Variants in SLC39A11 observed in about 807,000 individuals in gnomAD.
SLC39A11 encodes zinc transporter ZIP11.
In SLC39A11, 33 loss-of-function variants were observed where a neutral mutation model predicts 36.1. That is an observed-to-expected ratio of 0.91 (90% CI 0.69 to 1.22). SLC39A11 has a LOEUF of 1.22. Ranked by LOEUF, SLC39A11 falls within the 50% of genes most tolerant of loss-of-function variation. The probability of loss-of-function intolerance (pLI) is 0.00; values close to 1 mark genes in which losing one functional copy is unlikely to be tolerated. For synonymous variants in SLC39A11, 166 were observed against 170.3 expected (o/e 0.97, Z 0.20); for missense variants, 432 against 430.3 (o/e 1.00, Z -0.03).
intron 7 of SLC39A11, among the ~76,000 whole-genome samples, chr17:72,719,702 C>T (rs1014327131): frequency 7.2e-5 from 11 of 152,306 alleles, no homozygotes; most frequent in African/African-American, 2.6e-4. Flanking sequence ...GAGAGCTTGA[C>T]GGGGCCCTCC....
intron 5 of SLC39A11, among the ~76,000 whole-genome samples, chr17:72,935,148 T>G (rs1437905113): frequency 6.6e-6 from 1 of 152,192 alleles, no homozygotes; most frequent in African/African-American, 2.4e-5. Flanking sequence ...GTAAACAAAT[T>G]GTGGTGTATC....
At chr17:72,811,678 A>G (rs1239878058) in intron 6 of SLC39A11, among the ~76,000 whole-genome samples, 1 of 152,232 alleles carries the variant, frequency 6.6e-6, no homozygotes, top group Non-Finnish European at 1.5e-5. Context: ...GAACTATATT[A>G]TCTTTCAGGT....
At chr17:72,770,390 G>C (rs2075891723) in intron 6 of SLC39A11, among the ~76,000 whole-genome samples, 2 of 152,218 alleles carry the variant, frequency 1.3e-5, no homozygotes. Context: ...GAGCCAGATA[G>C]TGCTGATGGT....
At chr17:72,742,055 T>G (rs951437797) in intron 6 of SLC39A11, among the ~76,000 whole-genome samples, 1 of 151,904 alleles carries the variant, frequency 6.6e-6, no homozygotes, top group African/African-American at 2.4e-5. Context: ...TACAAAAAAT[T>G]TGCTGGGCAT....
intron 4 of SLC39A11, among the ~76,000 whole-genome samples, chr17:72,977,175 T>C (rs1184961833): frequency 6.6e-6 from 1 of 152,168 alleles, no homozygotes; most frequent in African/African-American, 2.4e-5. Flanking sequence ...GCCTGAGCCA[T>C]GACTGGCTGA....
intron 3 of SLC39A11, among the ~76,000 whole-genome samples, chr17:73,084,243 G>A (rs1049110341): frequency 6.6e-6 from 1 of 151,978 alleles, no homozygotes; most frequent in Non-Finnish European, 1.5e-5. Context: ...TTCAAGACCA[G>A]CCTGGGCAAC....
chr17:72,810,422 T>C (rs940722836), intron 6 of SLC39A11, among the ~76,000 whole-genome samples: 11 of 152,118 alleles, frequency 7.2e-5, no homozygotes, highest in Non-Finnish European at 4.4e-5. Flanking sequence ...AAACATGTAA[T>C]CAACTATTGC....
chr17:72,821,831 G>A (rs1435031887), intron 6 of SLC39A11: 1 of 151,418 alleles, frequency 6.6e-6, no homozygotes. Flanking sequence ...CATGGGATGT[G>A]ACCACACTCT....
intron 7 of SLC39A11, among the ~76,000 whole-genome samples, chr17:72,674,669 T>G (rs551728704): frequency 6.6e-6 from 1 of 152,334 alleles, no homozygotes; most frequent in East Asian, 1.9e-4. Context: ...CAGCAAGGTA[T>G]GAGAGAGCCA....
At chr17:72,876,223 C>T (rs142262287) in intron 5 of SLC39A11, among the ~76,000 whole-genome samples, 1 of 152,130 alleles carries the variant, frequency 6.6e-6, no homozygotes, top group East Asian at 1.9e-4. Flanking sequence ...TGGGTGGAAA[C>T]AGAAATTGGA....
At chr17:73,082,121 AAAAAG>A (rs2060560716) in intron 3 of SLC39A11, among the ~76,000 whole-genome samples, 1 of 149,262 alleles carries the variant, frequency 6.7e-6, no homozygotes, top group Admixed American at 6.7e-5. Flanking sequence ...GAAACTAAAA[AAAAAG>A]AAAAAAAAAA....
intron 3 of SLC39A11, among the ~76,000 whole-genome samples, chr17:73,059,582 G>A (rs2059774135): frequency 6.6e-6 from 1 of 151,554 alleles, no homozygotes; most frequent in African/African-American, 2.4e-5. Flanking sequence ...TTGAACCTGG[G>A]AAGCTGAGGT....
chr17:72,829,657 C>T (rs979806519), intron 6 of SLC39A11, among the ~76,000 whole-genome samples: 8 of 152,126 alleles, frequency 5.3e-5, no homozygotes, highest in African/African-American at 1.9e-4. Flanking sequence ...CGGACAGATC[C>T]GGGTCCCTCC....
chr17:72,897,484 G>C (rs1300786933), intron 5 of SLC39A11, among the ~76,000 whole-genome samples: 1 of 152,220 alleles, frequency 6.6e-6, no homozygotes, highest in Non-Finnish European at 1.5e-5. Flanking sequence ...GCAGAGCCAA[G>C]TGTTTGGGGC....
At position 72,703,984 on chromosome 17, in the gene SLC39A11, C is replaced by T. The variant is rs369757362; in HGVS notation, c.671+32666G>A. On this transcript the variant is annotated intron_variant, in intron 7 of 9. Coordinates refer to ENST00000255559, the MANE Select transcript of SLC39A11 (RefSeq NM_139177.4). ...CTCTACTAAAAATACAAAAATTAGCCGGGCATGGTGGCATGCGCCTGTAGT... is the reference window on the plus strand; with the variant it reads ...CTCTACTAAAAATACAAAAATTAGCTGGGCATGGTGGCATGCGCCTGTAGT... 3.1e-4 allele frequency among the ~76,000 whole-genome samples: 47 copies of T among 152,246 alleles called. No homozygotes were observed. In the South Asian group the frequency reaches 8.5e-3, roughly 28 times the overall value.
chr17:73,004,163 A>AG (rs1555673958), intron 4 of SLC39A11, among the ~76,000 whole-genome samples: 2 of 100,234 alleles, frequency 2.0e-5, no homozygotes, highest in Non-Finnish European at 3.8e-5. Context: ...AAGAAGGAAA[A>AG]AAAGAAAGAA....
intron 4 of SLC39A11, among the ~76,000 whole-genome samples, chr17:72,980,254 AC>A (rs1210854053): frequency 6.6e-6 from 1 of 152,212 alleles, no homozygotes; most frequent in African/African-American, 2.4e-5. Flanking sequence ...CTATGCAAAA[AC>A]AACGGCCAGA....
intron 5 of SLC39A11, among the ~76,000 whole-genome samples, chr17:72,921,104 C>T (rs1214750915): frequency 6.6e-6 from 1 of 152,072 alleles, no homozygotes; most frequent in Non-Finnish European, 1.5e-5. Flanking sequence ...ATGTGCAGTG[C>T]CTAGAATGTG....
chr17:73,020,459 G>C (rs1361371824), intron 4 of SLC39A11, among the ~76,000 whole-genome samples: 1 of 152,150 alleles, frequency 6.6e-6, no homozygotes, highest in Non-Finnish European at 1.5e-5. Context: ...CTTTAAGCCA[G>C]ACTTCAGTAT....
Sources: allele counts gnomAD v4.1 joint callset (sites outside exome capture counted in the v4.1 genomes callset), GRCh38; gene constraint gnomAD v4.1.1; transcripts MANE v1.5; gene names NCBI Gene and HGNC (gene_info 2026-07-23, HGNC 2026-07-21).